The following DNAH12 variants were observed in gnomAD, a reference collection of about 807,000 sequenced individuals.
DNAH12 encodes dynein axonemal heavy chain 12.
In DNAH12, 285 loss-of-function variants were observed where a neutral mutation model predicts 371.5. The observed-to-expected ratio is 0.77, with a 90% CI of 0.70 to 0.85. DNAH12 has a LOEUF of 0.85. DNAH12 is among the 40% of genes least tolerant of loss of function. DNAH12 has a pLI of 0.00. For synonymous variants in DNAH12, 1,200 were observed against 1,213.0 expected (o/e 0.99, Z 0.22); for missense variants, 3,611 against 3,689.4 (o/e 0.98, Z 0.55).
rs1011899566 is a variant in DNAH12, at chr3:57,523,830, T to C, written c.225A>G (p.Leu75=). ...TTTGAGGATAATCAGGTGGTGGTAATAGAGGTGTTCTTTTACCCAGTGTTC... is the reference window on the plus strand; with the variant it reads ...TTTGAGGATAATCAGGTGGTGGTAACAGAGGTGTTCTTTTACCCAGTGTTC... The part of the protein sequence containing the change: ...LDRTLGKRTP[L]LPPPDYPQTM... The change falls in exon 3 of 74, where the codon CTA becomes CTG. Residue 75 remains leucine (L), a synonymous_variant. Coordinates refer to ENST00000495027, the MANE Select transcript of DNAH12 (RefSeq NM_001366028.2). 3 of 1,607,664 alleles carry C rather than the reference T, an allele frequency of 1.9e-6. No homozygotes were observed. Among genetic ancestry groups the C allele is most frequent in the Non-Finnish European group, 2.5e-6 (3 of 1,177,946 alleles).
chr3:57,381,046 C>A (rs1210946559), intron 50 of DNAH12, among the ~76,000 whole-genome samples: 1 of 151,918 alleles, frequency 6.6e-6, no homozygotes, highest in Admixed American at 6.6e-5. Flanking sequence ...AAGTAGCAAA[C>A]TTTTTCTTAA....
chr3:57,305,411 A>G (rs569791034), intron 69 of DNAH12, among the ~76,000 whole-genome samples: 26 of 151,834 alleles, frequency 1.7e-4, no homozygotes, highest in Middle Eastern at 3.4e-3. Context: ...TCCACCCTAT[A>G]ATCTTTTTAT....
In DNAH12 at chr3:57,457,610, T is replaced by C. The variant is rs114262374; in HGVS notation, c.3336+111A>G. 1,574 of 1,186,050 alleles carry C rather than the reference T, an allele frequency of 1.3e-3. 13 individuals are homozygous for C. The African/African-American group carries it at 0.02, about 15-fold the overall frequency. The allele number at this position is 1,186,050 out of a possible 1,614,324, so 73.5% of individuals were successfully genotyped here. Reference sequence around the variant, plus strand: ...GTTAGAAACAAAGAAGTAAAGAAAATAAATGATTTAAAATAGTAAGAACTT... The same window carrying C: ...GTTAGAAACAAAGAAGTAAAGAAAACAAATGATTTAAAATAGTAAGAACTT... On this transcript the variant is annotated intron_variant, in intron 22 of 73. Transcript: ENST00000495027.
At chr3:57,550,926 T>G in the DNAH12 span, among the ~76,000 whole-genome samples, 6 of 151,500 alleles carry the variant, frequency 4.0e-5, no homozygotes, top group Non-Finnish European at 8.8e-5. Context: ...TCGCTGAGGC[T>G]GGAGTGCAGT....
At chr3:57,361,120 C>T (rs1051896230) in intron 58 of DNAH12, among the ~76,000 whole-genome samples, 53 of 151,914 alleles carry the variant, frequency 3.5e-4, no homozygotes, top group African/African-American at 7.2e-4. Context: ...GAGGCCGAGA[C>T]GGGTAGATCA....
intron 29 of DNAH12, among the ~76,000 whole-genome samples, chr3:57,442,513 A>G (rs1227735694): frequency 6.6e-6 from 1 of 152,216 alleles, no homozygotes; most frequent in Non-Finnish European, 1.5e-5. Context: ...AGTGACCACT[A>G]AGGTAAAGCT....
intron 59 of DNAH12, among the ~76,000 whole-genome samples, chr3:57,354,615 G>A (rs1486025606): frequency 1.3e-5 from 2 of 151,278 alleles, no homozygotes; most frequent in Non-Finnish European, 2.9e-5. Context: ...GCACTCTTGG[G>A]TATTTATCTC....
At chr3:57,327,257 T>A (rs1158296999) in intron 62 of DNAH12, among the ~76,000 whole-genome samples, 1 of 151,902 alleles carries the variant, frequency 6.6e-6, no homozygotes, top group Non-Finnish European at 1.5e-5. Flanking sequence ...AGAATATACA[T>A]TTTTTTCAGC....
chr3:57,501,315 G>A lies in DNAH12; in HGVS notation c.1335+6C>T, dbSNP rs755523383. The A allele has an allele frequency of 2.9e-5, 46 of 1,595,270 alleles. No homozygotes were observed. In the South Asian group the frequency reaches 4.5e-4, roughly 15 times the overall value. On this transcript the variant is annotated splice_donor_region_variant and intron_variant, in intron 11 of 73. Coordinates refer to ENST00000495027, the MANE Select transcript of DNAH12 (RefSeq NM_001366028.2). ...ACGCATTAATAAAAACAGAATTACCGCTTACCTCTGTATATTCATCAAAAG... is the reference window on the plus strand; with the variant it reads ...ACGCATTAATAAAAACAGAATTACCACTTACCTCTGTATATTCATCAAAAG...
chr3:57,438,916 G>GATGAAAAAAAAAAAAAA (rs1417929912), intron 29 of DNAH12, among the ~76,000 whole-genome samples: 1 of 8,952 alleles, frequency 1.1e-4, no homozygotes, highest in South Asian at 8.1e-3. Context: ...CTCTGTCTCA[G>GATGAAAAAAAAAAAAAA]ACAAAAAAAA....
chr3:57,449,950 C>T (rs1462860316), intron 25 of DNAH12, among the ~76,000 whole-genome samples: 1 of 152,166 alleles, frequency 6.6e-6, no homozygotes, highest in Non-Finnish European at 1.5e-5. Flanking sequence ...TATATTCAAG[C>T]GTTTAATATG....
At chr3:57,321,984 T>C (rs753639110) in intron 65 of DNAH12, among the ~76,000 whole-genome samples, 1 of 152,224 alleles carries the variant, frequency 6.6e-6, no homozygotes, top group African/African-American at 2.4e-5. Context: ...TTGCTTTATA[T>C]CTACACTACC....
chr3:57,446,297 T>C (rs1013582308), intron 26 of DNAH12, 27 bp from the exon 27 acceptor site: 4 of 1,538,160 alleles, frequency 2.6e-6, no homozygotes, highest in African/African-American at 1.4e-5. Flanking sequence ...AGGAAAGTGA[T>C]TTTTTTCTCA....
intron 69 of DNAH12, among the ~76,000 whole-genome samples, chr3:57,307,711 C>T (rs564073944): frequency 1.3e-5 from 2 of 152,298 alleles, no homozygotes; most frequent in East Asian, 1.9e-4. Flanking sequence ...TACCATTGTT[C>T]CTGGCAGGGA....
chr3:57,453,175 A>G (rs902942097), intron 24 of DNAH12, 72 bp downstream of exon 24: 3 of 1,482,060 alleles, frequency 2.0e-6, no homozygotes, highest in African/African-American at 1.4e-5. Flanking sequence ...AGAAGAATAC[A>G]TATAGTACAA....
chr3:57,375,676 G>C (rs1173829872), intron 54 of DNAH12, 142 bp downstream of exon 54: 1 of 152,054 alleles, frequency 6.6e-6, no homozygotes, highest in African/African-American at 2.4e-5. Flanking sequence ...TTTTACTGAT[G>C]AAACAAGAAG....
intron 45 of DNAH12, among the ~76,000 whole-genome samples, chr3:57,388,791 A>G (rs2063548265): frequency 6.6e-6 from 1 of 152,092 alleles, no homozygotes; most frequent in African/African-American, 2.4e-5. Context: ...ATTCTCAGCA[A>G]ACTATCACAA....
intron 40 of DNAH12, among the ~76,000 whole-genome samples, chr3:57,406,210 G>T (rs1553681178): frequency 6.6e-6 from 1 of 151,880 alleles, no homozygotes; most frequent in East Asian, 1.9e-4. Flanking sequence ...AATTAGCCAG[G>T]TGTCATGGCA....
At chr3:57,530,454 G>T in intron 2 of DNAH12, 2 of 707,928 alleles carry the variant, frequency 2.8e-6, no homozygotes, top group Non-Finnish European at 5.2e-6. Context: ...TGTGATACAT[G>T]CCAGATGCTT....
Sources: allele counts gnomAD v4.1 joint callset (sites outside exome capture counted in the v4.1 genomes callset), GRCh38; gene constraint gnomAD v4.1.1; transcripts MANE v1.5; gene names NCBI Gene and HGNC (gene_info 2026-07-23, HGNC 2026-07-21).